Variants in ABCA13 observed in about 807,000 individuals in gnomAD.
ABCA13 encodes ATP-binding cassette sub-family A member 13.
A neutral mutation model predicts 478.7 loss-of-function variants in ABCA13; 476 were observed. The ratio of observed to expected loss-of-function variants is 0.99; its 90% CI spans 0.92 to 1.07. The LOEUF (loss-of-function observed/expected upper bound fraction) is 1.07. Among genes scored for constraint, ABCA13 ranks in the 50% least tolerant of loss-of-function variants. The probability of loss-of-function intolerance (pLI) is 0.00; values close to 1 mark genes in which losing one functional copy is unlikely to be tolerated. For missense variants in ABCA13, 6,060 were observed against 5,910.6 expected (o/e 1.03, Z -0.83); for synonymous variants, 2,252 against 2,158.9 (o/e 1.04, Z -1.20).
At chr7:48,416,963 T>G (rs1820103181) in intron 41 of ABCA13, among the ~76,000 whole-genome samples, 1 of 151,928 alleles carries the variant, frequency 6.6e-6, no homozygotes. Flanking sequence ...TAAACAGGAG[T>G]TACCCATTTC....
At chr7:48,261,408 A>G (rs1413229154) in intron 15 of ABCA13, among the ~76,000 whole-genome samples, 1 of 151,940 alleles carries the variant, frequency 6.6e-6, no homozygotes, top group African/African-American at 2.4e-5. Context: ...TGTGATACTT[A>G]AAAATAAACA....
intron 43 of ABCA13, among the ~76,000 whole-genome samples, chr7:48,462,138 T>A (rs1241046196): frequency 6.6e-6 from 1 of 152,138 alleles, no homozygotes; most frequent in Admixed American, 6.5e-5. Flanking sequence ...GTACTCTCTC[T>A]AAAGGAAGAG....
chr7:48,200,093 G>A (rs1458985788), intron 3 of ABCA13, among the ~76,000 whole-genome samples: 9 of 152,184 alleles, frequency 5.9e-5, no homozygotes, highest in Admixed American at 2.6e-4. Context: ...GGCCAGGCAC[G>A]GTGGCTCACA....
chr7:48,279,836 A>G lies in ABCA13; in HGVS notation c.8642A>G (p.Lys2881Arg). The G allele has an allele frequency of 2.5e-6, 4 of 1,581,286 alleles. No homozygotes were observed. Among genetic ancestry groups the G allele is most frequent in the Non-Finnish European group, 3.4e-6 (4 of 1,167,904 alleles). ...ATGATTGACTTTCCTTATAGTTTCA[A>G]ACCATTTTTCTGTTTGGAGAAATAC... is the stretch of plus-strand genomic sequence containing the variant. ...KEMIDFPYSF[K>R]PFFCLEKYLG... The change falls in exon 18 of 62, where the codon AAA (lysine) becomes AGA (arginine). Residue 2881 changes from lysine to arginine, a missense_variant. Physicochemically the swap from Lys to Arg is conservative, Grantham distance 26 (BLOSUM62 2). Around this residue, in one of 3 missense-constraint regions of ABCA13, gnomAD observed 4,423 missense variants for 4,309.1 expected, o/e 1.03. Transcript: ENST00000435803.
chr7:48,322,912 T>A (rs986423815), intron 27 of ABCA13, among the ~76,000 whole-genome samples: 2 of 152,258 alleles, frequency 1.3e-5, no homozygotes, highest in African/African-American at 4.8e-5. Flanking sequence ...TAGGTAGGTT[T>A]TCTTTGTGAG....
At chr7:48,600,577 G>A (rs1479121907) in intron 58 of ABCA13, among the ~76,000 whole-genome samples, 3 of 151,786 alleles carry the variant, frequency 2.0e-5, no homozygotes, top group African/African-American at 7.3e-5. Context: ...TTTTAGTTAT[G>A]TTCTTACTGG....
At position 48,576,750 on chromosome 7, in the gene ABCA13, G is replaced by A. The variant is rs752219626; in HGVS notation, c.14355-3474G>A. Reference sequence around the variant, plus strand: ...AAAGACAACTGGGTATAAACAGAAGGACACTAGAACTAACACCACTGAGAC... The same window carrying A: ...AAAGACAACTGGGTATAAACAGAAGAACACTAGAACTAACACCACTGAGAC... On this transcript the variant is annotated intron_variant, in intron 55 of 61. Coordinates refer to ENST00000435803, the MANE Select transcript of ABCA13 (RefSeq NM_152701.5). Among the ~76,000 whole-genome samples, 3 of 152,012 alleles carry A rather than the reference G, an allele frequency of 2.0e-5. No individual in the cohort carries two copies. The South Asian group carries it at 6.3e-4, about 32-fold the overall frequency.
chr7:48,183,595 C>G (rs1333460900), intron 1 of ABCA13, among the ~76,000 whole-genome samples: 1 of 152,138 alleles, frequency 6.6e-6, no homozygotes, highest in African/African-American at 2.4e-5. Flanking sequence ...GAGCCTCATT[C>G]AGGGATTGTG....
chr7:48,361,151 A>T (rs1471166552), intron 31 of ABCA13, among the ~76,000 whole-genome samples: 1 of 151,532 alleles, frequency 6.6e-6, no homozygotes, highest in East Asian at 1.9e-4. Flanking sequence ...CTCTGCTGTG[A>T]CCCCGCTCTA....
At chr7:48,364,195 G>A (rs1811323707) in intron 31 of ABCA13, among the ~76,000 whole-genome samples, 1 of 152,104 alleles carries the variant, frequency 6.6e-6, no homozygotes, top group African/African-American at 2.4e-5. Flanking sequence ...GAAAACATAT[G>A]GATTTCTCAC....
chr7:48,389,310 C>T (rs1251473141), intron 37 of ABCA13, 90 bp downstream of exon 37: 1 of 1,428,514 alleles, frequency 7.0e-7, no homozygotes, highest in East Asian at 2.5e-5. Flanking sequence ...ATTTCTTTTC[C>T]TTTTTTTAAA....
At chr7:48,506,111 C>T (rs1339991587) in intron 48 of ABCA13, among the ~76,000 whole-genome samples, 1 of 152,220 alleles carries the variant, frequency 6.6e-6, no homozygotes, top group Non-Finnish European at 1.5e-5. Context: ...ATGAACAATT[C>T]ATGCTGGTTA....
intron 50 of ABCA13, among the ~76,000 whole-genome samples, chr7:48,509,290 G>A (rs117193383): frequency 0.02 from 3,041 of 152,276 alleles, 38 homozygotes; most frequent in Non-Finnish European, 0.032. Flanking sequence ...CTCAGTGCCA[G>A]CCTCTGTCTC....
intron 48 of ABCA13, among the ~76,000 whole-genome samples, chr7:48,493,008 C>CAATA (rs1057354839): frequency 1.4e-4 from 21 of 151,932 alleles, no homozygotes; most frequent in African/African-American, 3.1e-4. Context: ...GTGACAGTCT[C>CAATA]AATAAATAAA....
At chr7:48,379,854 A>G (rs117352177) in intron 35 of ABCA13, among the ~76,000 whole-genome samples, 2,030 of 152,370 alleles carry the variant, frequency 0.013, 26 homozygotes, top group Middle Eastern at 0.044. Context: ...TAATCAGGAA[A>G]TTCCCTTTGT....
At position 48,412,348 on chromosome 7, in the gene ABCA13, G is replaced by A; in HGVS notation, c.12229-5G>A. 2 of 1,603,832 alleles carry A rather than the reference G, an allele frequency of 1.2e-6. No individual in the cohort carries two copies. The highest frequency in any genetic ancestry group is 1.7e-6 in the Non-Finnish European group (2 of 1,175,142). ...GGCTTCTTTTTTCCTTTTTTTTATG[G>A]ATAGCCTTCTGTTCTGGAGGCCCAT... On this transcript the variant is annotated splice_region_variant and splice_polypyrimidine_tract_variant and intron_variant, in intron 40 of 61. Coordinates refer to ENST00000435803, the MANE Select transcript of ABCA13 (RefSeq NM_152701.5).
intron 41 of ABCA13, among the ~76,000 whole-genome samples, chr7:48,420,189 T>C (rs1563226283): frequency 6.6e-6 from 1 of 152,212 alleles, no homozygotes; most frequent in Non-Finnish European, 1.5e-5. Flanking sequence ...GCTCTTCAGC[T>C]AAAAAGCATA....
chr7:48,363,292 G>T (rs925293166), intron 31 of ABCA13, among the ~76,000 whole-genome samples: 1 of 152,032 alleles, frequency 6.6e-6, no homozygotes, highest in Non-Finnish European at 1.5e-5. Context: ...ATTGTCTTTG[G>T]TCTTAAATGT....
chr7:48,340,420 TA>T (rs1177395698), intron 29 of ABCA13, among the ~76,000 whole-genome samples: 3 of 152,288 alleles, frequency 2.0e-5, no homozygotes, highest in African/African-American at 4.8e-5. Flanking sequence ...TATATAACTT[TA>T]AAAAATAACT....
Sources: allele counts gnomAD v4.1 joint callset (sites outside exome capture counted in the v4.1 genomes callset), GRCh38; gene constraint gnomAD v4.1.1; regional missense constraint gnomAD v4.1.1; transcripts MANE v1.5; gene names NCBI Gene and HGNC (gene_info 2026-07-23, HGNC 2026-07-21).